SOX1: variants seen among roughly 807,000 people sequenced by gnomAD.
The protein encoded by SOX1 is transcription factor SOX-1.
SOX1 carries 1 observed loss-of-function variant against 0.9 expected under a neutral mutation model. That is an observed-to-expected ratio of 1.07 (90% confidence interval 0.38 to 5.06). The LOEUF (loss-of-function observed/expected upper bound fraction) is 5.06. Among genes scored for constraint, SOX1 ranks in the 30% most tolerant of loss-of-function variants. SOX1 has a pLI of 0.16. For missense variants in SOX1, 564 were observed against 534.4 expected, an observed-to-expected ratio of 1.06 and a Z score of -0.55; for synonymous variants, 397 against 265.5, an observed-to-expected ratio of 1.50 and a Z score of -4.81.
Position 112,069,775 on chromosome 13 carries a change from G to T in SOX1, c.*941G>T, listed in dbSNP as rs944883829. The T allele has an allele frequency of 1.2e-5, 2 of 167,112 alleles. No homozygotes were observed. The highest frequency in any genetic ancestry group is 2.1e-4 in the South Asian group (1 of 4,836). The allele number at this position is 167,112 out of a possible 1,614,324, so 10.4% of individuals were successfully genotyped here. A position where few individuals can be genotyped will look rare whatever the true frequency, so the allele number is the denominator to read the frequency against. On this transcript the variant is annotated 3_prime_UTR_variant, in exon 1 of 1. Coordinates refer to ENST00000330949, the MANE Select transcript of SOX1 (RefSeq NM_005986.3). ...GGAATGGGAGGACAGGATTTTTCAA[G>T]GAACCTTTTTCAATGAAAGAGAAGG...
rs749667227 is a variant in SOX1 at position 112,071,622 on chromosome 13, C to T, written c.*2788C>T. Among the ~76,000 whole-genome samples, 3 of 152,118 alleles carry T rather than the reference C, an allele frequency of 2.0e-5. No individual in the cohort carries two copies. The highest frequency in any genetic ancestry group is 7.2e-5 in the African/African-American group (3 of 41,400). ...AATTCGGTGCTTGGCCAAGGTAACA[C>T]TCATCGTATTCACGGAGTGAAATAC... On this transcript the variant is annotated 3_prime_UTR_variant, in exon 1 of 1. Transcript: ENST00000330949.
rs1875862836 is a variant in SOX1 at position 112,071,141 on chromosome 13, G to T, written c.*2307G>T. 6.6e-6 allele frequency among the ~76,000 whole-genome samples: 1 copy of T among 152,172 alleles called. No individual in the cohort carries two copies. The highest frequency in any genetic ancestry group is 1.5e-5 in the Non-Finnish European group (1 of 68,046). Reference sequence around the variant, plus strand: ...CTCTCTCTGAGGTTCTTTGACTGACGTCCACTCTCAGTCTGGCCCCTGTGC... The same window carrying T: ...CTCTCTCTGAGGTTCTTTGACTGACTTCCACTCTCAGTCTGGCCCCTGTGC... On this transcript the variant is annotated 3_prime_UTR_variant, in exon 1 of 1. Transcript: ENST00000330949.
In SOX1 at chr13:112,070,920, C is replaced by T. The variant is rs1047754056; in HGVS notation, c.*2086C>T. On this transcript the variant is annotated 3_prime_UTR_variant, in exon 1 of 1. Transcript: ENST00000330949. Reference sequence around the variant, plus strand: ...TTTAGCTATTTGATCCTTTCTGAAGCAGTTGTTTCTGGAAGAGTCTGTGCG... The same window carrying T: ...TTTAGCTATTTGATCCTTTCTGAAGTAGTTGTTTCTGGAAGAGTCTGTGCG... 3.4e-5 allele frequency among the ~76,000 whole-genome samples: 5 copies of T among 147,804 alleles called. No homozygotes were observed. Among genetic ancestry groups the T allele is most frequent in the Non-Finnish European group, 7.4e-5 (5 of 67,354 alleles).
In SOX1 at chr13:112,068,995, C is replaced by T. The variant is rs1880813135; in HGVS notation, c.*161C>T. ...ACGAACGCCGGGTGACGCGTGTCCC[C>T]CACTCACCTTCCCCGGAGACCCTGG... On this transcript the variant is annotated 3_prime_UTR_variant, in exon 1 of 1. Coordinates refer to ENST00000330949, the MANE Select transcript of SOX1 (RefSeq NM_005986.3). This position sits in a 1 kb window ranked among gnomAD's most constrained non-coding sequence, Gnocchi z 6.9. 2.1e-6 allele frequency: 1 copy of T among 473,578 alleles called. No individual in the cohort carries two copies. Among genetic ancestry groups the T allele is most frequent in the Non-Finnish European group, 3.2e-6 (1 of 308,336 alleles). The allele number at this position is 473,578 out of a possible 1,614,324, so 29.3% of individuals were successfully genotyped here.
At position 112,071,370 on chromosome 13, in the gene SOX1, G is replaced by A. The variant is rs1875870546; in HGVS notation, c.*2536G>A. Among the ~76,000 whole-genome samples the A allele has an allele frequency of 6.6e-6, 1 of 152,236 alleles. No individual in the cohort carries two copies. Among genetic ancestry groups the A allele is most frequent in the South Asian group, 2.1e-4 (1 of 4,826 alleles). ...AGTCAGCTGAAATAGCCAATGCCAG[G>A]TGCTCCAACCACCTTATTTCCTTGT... On this transcript the variant is annotated 3_prime_UTR_variant, in exon 1 of 1. Coordinates refer to ENST00000330949, the MANE Select transcript of SOX1 (RefSeq NM_005986.3).
Position 112,071,417 on chromosome 13 carries a change from G to GA in SOX1, c.*2589dup, listed in dbSNP as rs1479320898. On this transcript the variant is annotated 3_prime_UTR_variant, in exon 1 of 1. Transcript: ENST00000330949. ...TTGTTTTGTTGATTAGAACAACACAGAAAAAAGCAAATATAAATTTTTAAT... is the reference window on the plus strand; with the variant it reads ...TTGTTTTGTTGATTAGAACAACACAGAAAAAAAGCAAATATAAATTTTTAAT... Among the ~76,000 whole-genome samples the GA allele has an allele frequency of 3.3e-5, 5 of 152,162 alleles. No homozygotes were observed. Among genetic ancestry groups the GA allele is most frequent in the Admixed American group, 1.3e-4 (2 of 15,274 alleles).
rs1339568015 is a variant in SOX1 at position 112,068,249 on chromosome 13, G to A, written c.591G>A (p.Ala197=). ...WANGAYPGSV[A]AAAAAAAMMQ... is the part of the protein sequence containing the mutation. The stretch of plus-strand genomic sequence containing the variant: ...ACGGCGCCTACCCCGGCTCGGTGGC[G>A]GCGGCGGCGGCGGCCGCGGCCATGA... The change falls in exon 1 of 1, where the codon GCG becomes GCA. Residue 197 remains alanine (A), a synonymous_variant. Coordinates refer to ENST00000330949, the MANE Select transcript of SOX1 (RefSeq NM_005986.3). The surrounding 1 kb of genome is among the most constrained non-coding windows in gnomAD (Gnocchi z 6.9). 1.6e-5 allele frequency: 12 copies of A among 753,710 alleles called. No homozygotes were observed. The highest frequency in any genetic ancestry group is 2.0e-5 in the Non-Finnish European group (12 of 613,676). 46.7% of individuals were successfully genotyped at this position (753,710 alleles called of 1,614,324 possible).
chr13:112,067,554 C>T lies in SOX1; in HGVS notation c.-105C>T. ...TCTTCTCTCCGCTAGGACCCCCCCGCCCCCGTCTCACTCCGTCTGAATTCC... is the reference window on the plus strand; with the variant it reads ...TCTTCTCTCCGCTAGGACCCCCCCGTCCCCGTCTCACTCCGTCTGAATTCC... On this transcript the variant is annotated 5_prime_UTR_variant, in exon 1 of 1. Transcript: ENST00000330949. The surrounding 1 kb of genome is among the most constrained non-coding windows in gnomAD (Gnocchi z 5.1). 1.9e-6 allele frequency: 1 copy of T among 522,016 alleles called. No homozygotes were observed. Among genetic ancestry groups the T allele is most frequent in the Non-Finnish European group, 2.6e-6 (1 of 387,350 alleles). 32.3% of individuals were successfully genotyped at this position (522,016 alleles called of 1,614,324 possible).
At position 112,068,494 on chromosome 13, in the gene SOX1, GCGCCGCGGCCGC is replaced by G; in HGVS notation, c.843_854del (p.Ala285_Ala288del). On this transcript the variant is annotated inframe_deletion, in exon 1 of 1. Coordinates refer to ENST00000330949, the MANE Select transcript of SOX1 (RefSeq NM_005986.3). The surrounding 1 kb of genome is among the most constrained non-coding windows in gnomAD (Gnocchi z 6.9). Reference sequence around the variant, plus strand: ...TCGGGCTACGGCGGCCTCCCCTACGGCGCCGCGGCCGCCGCCGCCGCCGCTGCGGGCGGCGCG... The same window carrying G: ...TCGGGCTACGGCGGCCTCCCCTACGGCGCCGCCGCCGCTGCGGGCGGCGCG... The G allele has an allele frequency of 9.5e-7, 1 of 1,047,704 alleles. No homozygotes were observed. The highest frequency in any genetic ancestry group is 1.1e-6 in the Non-Finnish European group (1 of 873,338). The allele number at this position is 1,047,704 out of a possible 1,614,324, so 64.9% of individuals were successfully genotyped here.
rs1399055554 is a variant in SOX1, at chr13:112,068,207, C to A, written c.549C>A (p.His183Gln). The A allele has an allele frequency of 1.3e-5, 10 of 778,822 alleles. No homozygotes were observed. The highest frequency in any genetic ancestry group is 6.2e-5 in the Admixed American group (1 of 16,200). The allele number at this position is 778,822 out of a possible 1,614,324, so 48.2% of individuals were successfully genotyped here. A position where few individuals can be genotyped will look rare whatever the true frequency, so the allele number is the denominator to read the frequency against. ...GCGCGGCGGGCGGCGGCTACGCGCA[C>A]GTCAACGGCTGGGCCAACGGCGCCT... Reference protein sequence around the residue: ...PGGAAGGGYAHVNGWANGAYP... With the variant: ...PGGAAGGGYAQVNGWANGAYP... Residue 183 changes from histidine (H) to glutamine (Q), a missense_variant, in exon 1 of 1, where the codon CAC becomes CAA. Transcript: ENST00000330949. This position sits in a 1 kb window ranked among gnomAD's most constrained non-coding sequence, Gnocchi z 6.9.
rs1035284117 is a variant in SOX1, at chr13:112,067,631, G to A, written c.-28G>A. 1 of 1,255,528 alleles carries A rather than the reference G, an allele frequency of 8.0e-7. No homozygotes were observed. The highest frequency in any genetic ancestry group is 1.0e-6 in the Non-Finnish European group (1 of 987,314). 77.8% of individuals were successfully genotyped at this position (1,255,528 alleles called of 1,614,324 possible). ...TCTATGCTCCAGGCCCTCTCCTCGC[G>A]GTGCCGGTGAACCCGCCAGCCGCCC... On this transcript the variant is annotated 5_prime_UTR_variant, in exon 1 of 1. Coordinates refer to ENST00000330949, the MANE Select transcript of SOX1 (RefSeq NM_005986.3). The surrounding 1 kb of genome is among the most constrained non-coding windows in gnomAD (Gnocchi z 5.1).
chr13:112,070,191 C>G lies in SOX1; in HGVS notation c.*1357C>G, dbSNP rs976368171. ...CATCCTCTGCCCCTCCCCCTGGCTT[C>G]TTTCTCTTGGGAAAACGGGCAAAAT... is the stretch of plus-strand genomic sequence containing the variant. On this transcript the variant is annotated 3_prime_UTR_variant, in exon 1 of 1. Transcript: ENST00000330949. 6.0e-6 allele frequency: 1 copy of G among 167,080 alleles called. No homozygotes were observed. Among genetic ancestry groups the G allele is most frequent in the Non-Finnish European group, 1.5e-5 (1 of 68,104 alleles). The allele number at this position is 167,080 out of a possible 1,614,324, so 10.3% of individuals were successfully genotyped here.
chr13:112,069,569 A>G lies in SOX1; in HGVS notation c.*735A>G, dbSNP rs1880831873. On this transcript the variant is annotated 3_prime_UTR_variant, in exon 1 of 1. Coordinates refer to ENST00000330949, the MANE Select transcript of SOX1 (RefSeq NM_005986.3). ...TAGTTTTCTAAAAAGCCTTTCTTCT[A>G]AAAACGAAAAAAGACCCCCCACCCA... is the stretch of plus-strand genomic sequence containing the variant. 6.0e-6 allele frequency: 1 copy of G among 167,144 alleles called. No individual in the cohort carries two copies. The highest frequency in any genetic ancestry group is 6.5e-5 in the Admixed American group (1 of 15,290). The allele number at this position is 167,144 out of a possible 1,614,324, so 10.4% of individuals were successfully genotyped here. A position where few individuals can be genotyped will look rare whatever the true frequency, so the allele number is the denominator to read the frequency against.
chr13:112,068,946 C>A lies in SOX1; in HGVS notation c.*112C>A. ...GCTTTTGTACAGACGTTCCCACATT[C>A]TTGTCAAAAGGAAAATACTGGAGAC... On this transcript the variant is annotated 3_prime_UTR_variant, in exon 1 of 1. Transcript: ENST00000330949. The surrounding 1 kb of genome is among the most constrained non-coding windows in gnomAD (Gnocchi z 6.9). 2 of 851,646 alleles carry A rather than the reference C, an allele frequency of 2.3e-6. No homozygotes were observed. The highest frequency in any genetic ancestry group is 3.1e-6 in the Non-Finnish European group (2 of 653,044). 52.8% of individuals were successfully genotyped at this position (851,646 alleles called of 1,614,324 possible).
Position 112,068,695 on chromosome 13 carries a change from T to C in SOX1, c.1037T>C (p.Met346Thr), listed in dbSNP as rs1331518448. 26 of 1,176,654 alleles carry C rather than the reference T, an allele frequency of 2.2e-5. No homozygotes were observed. Among genetic ancestry groups the C allele is most frequent in the South Asian group, 4.2e-5 (1 of 23,930 alleles). The allele number at this position is 1,176,654 out of a possible 1,614,324, so 72.9% of individuals were successfully genotyped here. Residue 346 changes from methionine to threonine, a missense_variant, in exon 1 of 1, where the codon ATG becomes ACG. Coordinates refer to ENST00000330949, the MANE Select transcript of SOX1 (RefSeq NM_005986.3). The surrounding 1 kb of genome is among the most constrained non-coding windows in gnomAD (Gnocchi z 6.9). ...CPGDLREMIS[M>T]YLPAGEGGDP... ...GGGGACCTGCGCGAGATGATCAGCA[T>C]GTACTTGCCCGCCGGCGAGGGGGGC...
chr13:112,069,320 AGTT>A lies in SOX1; in HGVS notation c.*490_*492del, dbSNP rs969532010. On this transcript the variant is annotated 3_prime_UTR_variant, in exon 1 of 1. Transcript: ENST00000330949. The stretch of plus-strand genomic sequence containing the variant: ...GTCCAAGCACTTACAAGTTTTTTGT[AGTT>A]GTTACCGCTCTTTTGGGTTGGTTTG... 4 of 167,096 alleles carry A rather than the reference AGTT, an allele frequency of 2.4e-5. No homozygotes were observed. The highest frequency in any genetic ancestry group is 5.9e-5 in the Non-Finnish European group (4 of 68,128). The allele number at this position is 167,096 out of a possible 1,614,324, so 10.4% of individuals were successfully genotyped here.
At position 112,071,191 on chromosome 13, in the gene SOX1, C is replaced by G. The variant is rs1875864665; in HGVS notation, c.*2357C>G. On this transcript the variant is annotated 3_prime_UTR_variant, in exon 1 of 1. Coordinates refer to ENST00000330949, the MANE Select transcript of SOX1 (RefSeq NM_005986.3). ...CTCCCCTGTGTGTACCCTGGAGTTT[C>G]TGTGTCCAATTGTTGGCATCTAGGT... 6.6e-6 allele frequency among the ~76,000 whole-genome samples: 1 copy of G among 152,226 alleles called. No individual in the cohort carries two copies. Among genetic ancestry groups the G allele is most frequent in the Non-Finnish European group, 1.5e-5 (1 of 68,046 alleles).
rs931920255 is a variant in SOX1, at chr13:112,068,720, C to A, written c.1062C>A (p.Gly354=). ...TGTACTTGCCCGCCGGCGAGGGGGG[C>A]GACCCGGCGGCGGCAGCAGCGGCCG... The part of the protein sequence containing the change: ...ISMYLPAGEG[G]DPAAAAAAAA... Residue 354 remains glycine, a synonymous_variant, in exon 1 of 1, where the codon GGC becomes GGA. Transcript: ENST00000330949. The surrounding 1 kb of genome is among the most constrained non-coding windows in gnomAD (Gnocchi z 6.9). The A allele has an allele frequency of 1.7e-6, 2 of 1,184,004 alleles. No individual in the cohort carries two copies. Among genetic ancestry groups the A allele is most frequent in the East Asian group, 7.4e-5 (2 of 27,164 alleles). The allele number at this position is 1,184,004 out of a possible 1,614,324, so 73.3% of individuals were successfully genotyped here.
chr13:112,068,199 T>G lies in SOX1; in HGVS notation c.541T>G (p.Tyr181Asp). The change falls in exon 1 of 1, where the codon TAC becomes GAC. Residue 181 changes from tyrosine to aspartate, a missense_variant. Coordinates refer to ENST00000330949, the MANE Select transcript of SOX1 (RefSeq NM_005986.3). The surrounding 1 kb of genome is among the most constrained non-coding windows in gnomAD (Gnocchi z 6.9). The part of the protein sequence containing the change: ...ESPGGAAGGG[Y>D]AHVNGWANGA... The stretch of plus-strand genomic sequence containing the variant: ...CCCAGGCGGCGCGGCGGGCGGCGGC[T>G]ACGCGCACGTCAACGGCTGGGCCAA... 1.3e-6 allele frequency: 1 copy of G among 780,416 alleles called. No individual in the cohort carries two copies. Among genetic ancestry groups the G allele is most frequent in the Non-Finnish European group, 1.6e-6 (1 of 643,170 alleles). The allele number at this position is 780,416 out of a possible 1,614,324, so 48.3% of individuals were successfully genotyped here.
Sources: gnomAD v4.1 joint callset for allele counts (sites outside exome capture counted in the v4.1 genomes callset) on GRCh38, gnomAD v4.1.1 for gene constraint, Gnocchi (gnomAD v3.1) non-coding constraint, MANE v1.5 for transcripts, NCBI Gene and HGNC (gene_info 2026-07-23, HGNC 2026-07-21) for gene names.